The following AP3B1 variants were observed in gnomAD, a reference collection of about 807,000 sequenced individuals.
The protein encoded by AP3B1 is adaptor related protein complex 3 subunit beta 1, also known as AP-3 complex subunit beta-1.
Under a neutral mutation model 132.5 loss-of-function variants are expected in AP3B1, and 61 were observed. The observed-to-expected ratio is 0.46, with a 90% CI of 0.37 to 0.57. The LOEUF is 0.57. Among genes scored for constraint, AP3B1 ranks in the 20% least tolerant of loss-of-function variants. The probability of loss-of-function intolerance (pLI) is 0.00; values close to 1 mark genes in which losing one functional copy is unlikely to be tolerated. For missense variants in AP3B1, 1,120 were observed against 1,289.4 expected (o/e 0.87, Z 2.01); for synonymous variants, 388 against 438.3 (o/e 0.89, Z 1.43).
intron 6 of AP3B1, among the ~76,000 whole-genome samples, chr5:78,222,991 G>A (rs77404539): frequency 0.025 from 3,602 of 146,932 alleles, 166 homozygotes; most frequent in African/African-American, 0.083. Context: ...GGAAATAGGA[G>A]CCCTGTTTCT....
Position 78,250,424 on chromosome 5 carries a change from T to C in AP3B1, c.205-9488A>G, listed in dbSNP as rs566119724. 2.8e-3 allele frequency among the ~76,000 whole-genome samples: 420 copies of C among 152,324 alleles called. 1 individual carries two copies. Among genetic ancestry groups the C allele is most frequent in the African/African-American group, 9.8e-3 (406 of 41,578 alleles). Reference sequence around the variant, plus strand: ...GCTATCTGTTTGTCCCACTCTATTCTAAATAGACATTTGGTCTTCTAATAC... The same window carrying C: ...GCTATCTGTTTGTCCCACTCTATTCCAAATAGACATTTGGTCTTCTAATAC... On this transcript the variant is annotated intron_variant, in intron 2 of 26. Transcript: ENST00000255194.
At chr5:78,109,431 T>C (rs963253028) in intron 20 of AP3B1, among the ~76,000 whole-genome samples, 10 of 152,046 alleles carry the variant, frequency 6.6e-5, no homozygotes, top group Non-Finnish European at 1.3e-4. Context: ...TAAGAAGAAA[T>C]TGAACTGAAT....
chr5:78,023,786 C>T (rs1747210307), intron 24 of AP3B1, among the ~76,000 whole-genome samples: 1 of 152,046 alleles, frequency 6.6e-6, no homozygotes, highest in African/African-American at 2.4e-5. Context: ...CAAGGCTGTT[C>T]AGATTGCAGG....
chr5:78,126,448 T>C (rs768240270), intron 17 of AP3B1, among the ~76,000 whole-genome samples: 3 of 132,690 alleles, frequency 2.3e-5, no homozygotes, highest in South Asian at 4.6e-4. Context: ...GAGCTTGCAA[T>C]GAGCCAAGAT....
chr5:78,102,989 T>C lies in AP3B1; in HGVS notation c.2398-1964A>G, dbSNP rs3776929. 4.0e-4 allele frequency among the ~76,000 whole-genome samples: 61 copies of C among 152,292 alleles called. 1 individual carries two copies. In the East Asian group the frequency reaches 9.4e-3, roughly 24 times the overall value. On this transcript the variant is annotated intron_variant, in intron 20 of 26. Coordinates refer to ENST00000255194, the MANE Select transcript of AP3B1 (RefSeq NM_003664.5). ...AGGCTTTCAAAAGGACAGAATTTCA[T>C]TGACTTTCTGAGAACAGCAAATAAC...
intron 22 of AP3B1, among the ~76,000 whole-genome samples, chr5:78,067,104 A>T (rs1380078926): frequency 6.6e-6 from 1 of 152,214 alleles, no homozygotes; most frequent in African/African-American, 2.4e-5. Flanking sequence ...AGCAGAAAAA[A>T]GCAGGGGTTG....
At chr5:78,101,147 C>T (rs1751107141) in intron 20 of AP3B1, 122 bp from the exon 21 acceptor site, 1 of 615,668 alleles carries the variant, frequency 1.6e-6, no homozygotes, top group African/African-American at 1.9e-5. Context: ...AATTAAACTT[C>T]TGTATGGTTA....
At chr5:78,089,933 T>C (rs1035914502) in intron 21 of AP3B1, among the ~76,000 whole-genome samples, 3 of 152,214 alleles carry the variant, frequency 2.0e-5, no homozygotes, top group Non-Finnish European at 4.4e-5. Flanking sequence ...TCCACTCTAA[T>C]CAGGCTACCT....
chr5:78,116,078 T>C, intron 18 of AP3B1, 48 bp downstream of exon 18: 5 of 1,346,010 alleles, frequency 3.7e-6, no homozygotes, highest in Non-Finnish European at 4.3e-6. Flanking sequence ...AGATATAGAA[T>C]GTAATCTACT....
intron 18 of AP3B1, 37 bp from the exon 19 acceptor site, chr5:78,113,960 C>T: frequency 1.9e-6 from 3 of 1,602,540 alleles, no homozygotes; most frequent in Non-Finnish European, 2.6e-6. Context: ...GATTTATAGT[C>T]ATTTAATTAG....
chr5:78,075,134 A>T (rs1185090472), intron 22 of AP3B1, among the ~76,000 whole-genome samples: 1 of 152,182 alleles, frequency 6.6e-6, no homozygotes, highest in Non-Finnish European at 1.5e-5. Context: ...ATTGGAAAAC[A>T]AAACTAAAAT....
At chr5:78,154,546 C>G (rs142771178) in intron 14 of AP3B1, among the ~76,000 whole-genome samples, 32 of 152,232 alleles carry the variant, frequency 2.1e-4, no homozygotes, top group Non-Finnish European at 4.3e-4. Context: ...CCATCCCTGC[C>G]CCTTTCTCTA....
chr5:78,015,124 C>G (rs896931694), intron 26 of AP3B1, among the ~76,000 whole-genome samples: 1 of 152,032 alleles, frequency 6.6e-6, no homozygotes, highest in African/African-American at 2.4e-5. Context: ...TCTCAACCAC[C>G]TCAAAAAGGG....
intron 3 of AP3B1, among the ~76,000 whole-genome samples, chr5:78,238,729 G>T (rs1356859850): frequency 6.6e-6 from 1 of 151,450 alleles, no homozygotes; most frequent in African/African-American, 2.4e-5. Context: ...AATGTTTCTA[G>T]TTAACCCAAA....
At chr5:78,003,528 TA>T in intron 26 of AP3B1, 1 of 552,324 alleles carries the variant, frequency 1.8e-6, no homozygotes, top group South Asian at 8.0e-5. Context: ...TAGATAATTT[TA>T]CGTACATTAT....
At chr5:78,199,316 TA>T (rs1268849780) in intron 7 of AP3B1, among the ~76,000 whole-genome samples, 2 of 152,158 alleles carry the variant, frequency 1.3e-5, no homozygotes, top group Non-Finnish European at 2.9e-5. Context: ...TTTTCTGAAA[TA>T]AAATATGCTC....
At chr5:78,220,905 T>C (rs1026139407) in intron 6 of AP3B1, among the ~76,000 whole-genome samples, 3 of 152,004 alleles carry the variant, frequency 2.0e-5, no homozygotes, top group Non-Finnish European at 4.4e-5. Context: ...TTTAATTAGC[T>C]GGGCATGGTG....
intron 22 of AP3B1, among the ~76,000 whole-genome samples, 197 bp from the exon 23 acceptor site, chr5:78,039,471 T>C (rs1370408240): frequency 6.6e-6 from 1 of 152,054 alleles, no homozygotes; most frequent in Admixed American, 6.6e-5. Context: ...CCCTCAAAAC[T>C]GTATGAAAAT....
chr5:78,213,092 G>A (rs1038828240), intron 7 of AP3B1, among the ~76,000 whole-genome samples: 1 of 151,934 alleles, frequency 6.6e-6, no homozygotes, highest in East Asian at 1.9e-4. Context: ...TGTTAGCCAG[G>A]ATGGTCTTGA....
Sources: allele counts gnomAD v4.1 joint callset (sites outside exome capture counted in the v4.1 genomes callset), GRCh38; gene constraint gnomAD v4.1.1; transcripts MANE v1.5; gene names NCBI Gene and HGNC (gene_info 2026-07-23, HGNC 2026-07-21).